Variants in TMTC3 observed in about 807,000 individuals in gnomAD.
The protein encoded by TMTC3 is transmembrane O-mannosyltransferase targeting cadherins 3.
Under a neutral mutation model 92.2 loss-of-function variants are expected in TMTC3, and 52 were observed. The ratio of observed to expected loss-of-function variants is 0.56; its 90% CI spans 0.45 to 0.71. TMTC3 has a LOEUF of 0.71. TMTC3 is among the 30% of genes least tolerant of loss of function. The probability of loss-of-function intolerance (pLI) is 0.00; values close to 1 mark genes in which losing one functional copy is unlikely to be tolerated. For synonymous variants in TMTC3, 339 were observed against 363.3 expected (o/e 0.93, Z 0.76); for missense variants, 896 against 1,057.1 (o/e 0.85, Z 2.11).
At position 88,172,639 on chromosome 12, in the gene TMTC3, CT is replaced by C. The variant is rs751346733; in HGVS notation, c.1101del (p.Pro368GlnfsTer22). ...ATTACCATTTATTCCTGCATCGAAC[CT>C]TTTTTTTCCAGTTGGATTTGTTGTT... ...MALPFIPASN[L>X]FFPVGFVVAE... is the part of the protein sequence containing the mutation. On this transcript the variant is annotated frameshift_variant, in exon 8 of 14. Coordinates refer to ENST00000266712, the MANE Select transcript of TMTC3 (RefSeq NM_181783.4). LOFTEE classifies it high-confidence loss of function. 4.7e-5 allele frequency: 74 copies of C among 1,561,554 alleles called. No individual in the cohort carries two copies. Among genetic ancestry groups the C allele is most frequent in the South Asian group, 2.7e-4 (22 of 80,704 alleles).
At chr12:88,155,777 A>T (rs894325528) in intron 4 of TMTC3, among the ~76,000 whole-genome samples, 19 of 152,070 alleles carry the variant, frequency 1.2e-4, no homozygotes, top group Non-Finnish European at 2.9e-5. Context: ...ATGATTTCTT[A>T]TTCTTTACAA....
Position 88,195,002 on chromosome 12 carries a change from G to A in TMTC3, c.2098G>A (p.Asp700Asn), listed in dbSNP as rs1332461696. ...GAAGAAAGCCATAAAGTTACAAGCC[G>A]ACTTCCGAAGTGCTTTGTTTAATCT... ...WMKKAIKLQA[D>N]FRSALFNLAL... Residue 700 changes from aspartate (D) to asparagine (N), a missense_variant, in exon 14 of 14, where the codon GAC becomes AAC. By Grantham distance (23) the Asp-to-Asn change is conservative. Transcript: ENST00000266712. 2.5e-6 allele frequency: 4 copies of A among 1,613,792 alleles called. No individual in the cohort carries two copies. Among genetic ancestry groups the A allele is most frequent in the Non-Finnish European group, 3.4e-6 (4 of 1,179,894 alleles).
rs1368059147 is a variant in TMTC3, at chr12:88,199,061, T to C, written c.*3412T>C. ...GGCTTGCCTTTTAGTGTTAAAAAAA[T>C]ACAACATTGTATATAGAGATTTCTT... On this transcript the variant is annotated 3_prime_UTR_variant, in exon 14 of 14. Transcript: ENST00000266712. 1 of 134,890 alleles carries C rather than the reference T, an allele frequency of 7.4e-6. No individual in the cohort carries two copies. The highest frequency in any genetic ancestry group is 2.7e-5 in the African/African-American group (1 of 37,522). The allele number at this position is 134,890 out of a possible 1,614,324, so 8.4% of individuals were successfully genotyped here. A position where few individuals can be genotyped will look rare whatever the true frequency, so the allele number is the denominator to read the frequency against.
chr12:88,156,397 A>C (rs979527797), intron 4 of TMTC3, among the ~76,000 whole-genome samples: 3 of 152,202 alleles, frequency 2.0e-5, no homozygotes, highest in Non-Finnish European at 4.4e-5. Flanking sequence ...GCTGTGGATC[A>C]CTGTTGTTCC....
At chr12:88,155,198 G>A (rs1177415471) in intron 4 of TMTC3, among the ~76,000 whole-genome samples, 1 of 152,178 alleles carries the variant, frequency 6.6e-6, no homozygotes, top group East Asian at 1.9e-4. Flanking sequence ...GGACTAAAGA[G>A]TCTGGTTTCA....
intron 10 of TMTC3, among the ~76,000 whole-genome samples, chr12:88,180,444 C>G (rs2041304992): frequency 6.6e-6 from 1 of 152,060 alleles, no homozygotes; most frequent in Non-Finnish European, 1.5e-5. Flanking sequence ...GTAGCAGGTA[C>G]AGATAGCAGG....
At chr12:88,188,200 C>T (rs1029419413) in intron 10 of TMTC3, among the ~76,000 whole-genome samples, 1 of 152,144 alleles carries the variant, frequency 6.6e-6, no homozygotes, top group Non-Finnish European at 1.5e-5. Context: ...GCCACAGTCA[C>T]AAAAATTTTT....
chr12:88,142,954 G>C (rs987329952), intron 1 of TMTC3, among the ~76,000 whole-genome samples: 1 of 152,098 alleles, frequency 6.6e-6, no homozygotes, highest in Admixed American at 6.5e-5. Context: ...CTGTACTATT[G>C]TTGCCACTTG....
At chr12:88,170,476 T>C (rs2041192668) in intron 7 of TMTC3, among the ~76,000 whole-genome samples, 1 of 152,176 alleles carries the variant, frequency 6.6e-6, no homozygotes, top group African/African-American at 2.4e-5. Context: ...TTCTTACCTT[T>C]TTGATTTAAA....
intron 1 of TMTC3, among the ~76,000 whole-genome samples, chr12:88,145,835 A>G (rs2040866775): frequency 6.6e-6 from 1 of 152,214 alleles, no homozygotes. Flanking sequence ...AGTTTCTTGC[A>G]TGACTCAGCT....
intron 4 of TMTC3, among the ~76,000 whole-genome samples, chr12:88,159,450 C>T (rs946608092): frequency 4.6e-5 from 7 of 151,906 alleles, no homozygotes; most frequent in African/African-American, 1.7e-4. Context: ...GGCTTGAGGC[C>T]AAGAGTTTGA....
chr12:88,162,659 C>G (rs1041682667), intron 6 of TMTC3, among the ~76,000 whole-genome samples: 2 of 152,054 alleles, frequency 1.3e-5, no homozygotes, highest in African/African-American at 4.8e-5. Context: ...TCTTCTATAT[C>G]TCTACATGTT....
At chr12:88,192,496 A>T in intron 12 of TMTC3, 108 bp from the exon 13 acceptor site, 1 of 682,338 alleles carries the variant, frequency 1.5e-6, no homozygotes, top group Non-Finnish European at 2.4e-6. Context: ...AGTCTGAGTT[A>T]AGAGAAAAAA....
At chr12:88,153,558 T>A in intron 3 of TMTC3, 49 bp downstream of exon 3, 1 of 1,089,246 alleles carries the variant, frequency 9.2e-7, no homozygotes, top group Non-Finnish European at 1.3e-6. Flanking sequence ...TTTTTACAAA[T>A]CCTGCACAGT....
Position 88,198,104 on chromosome 12 carries a change from G to T in TMTC3, c.*2455G>T. ...TATTACATGAAATTTAAGAGTTTAA[G>T]TTCCATCAAACTAGCCCTTGTGTAA... is the stretch of plus-strand genomic sequence containing the variant. On this transcript the variant is annotated 3_prime_UTR_variant, in exon 14 of 14. Transcript: ENST00000266712. 2 of 384,234 alleles carry T rather than the reference G, an allele frequency of 5.2e-6. No individual in the cohort carries two copies. 23.8% of individuals were successfully genotyped at this position (384,234 alleles called of 1,614,324 possible).
In TMTC3 at chr12:88,166,358, A is replaced by G. The variant is rs1383255559; in HGVS notation, c.826A>G (p.Thr276Ala). Residue 276 changes from threonine (T) to alanine (A), a missense_variant, in exon 7 of 14, where the codon ACT becomes GCT. Physicochemically the swap from Thr to Ala is moderately conservative, Grantham distance 58. Transcript: ENST00000266712. The stretch of plus-strand genomic sequence containing the variant: ...TGATAACCCAGCTGCTGTAAGCCCA[A>G]CTCCTACAAGGCAACTAACTTTTAA... ...RFDNPAAVSP[T>A]PTRQLTFNYL... The G allele has an allele frequency of 1.2e-6, 2 of 1,613,880 alleles. No homozygotes were observed. The highest frequency in any genetic ancestry group is 1.7e-6 in the Non-Finnish European group (2 of 1,179,892).
chr12:88,179,177 G>A (rs537883178), intron 10 of TMTC3, among the ~76,000 whole-genome samples: 1 of 152,270 alleles, frequency 6.6e-6, no homozygotes, highest in Admixed American at 6.5e-5. Flanking sequence ...AATATTGAAT[G>A]TGGCATCTGA....
intron 10 of TMTC3, 82 bp from the exon 11 acceptor site, chr12:88,188,761 C>T: frequency 1.5e-6 from 1 of 681,884 alleles, no homozygotes; most frequent in Non-Finnish European, 2.4e-6. Context: ...GTTTATATAT[C>T]AAATACATTT....
chr12:88,153,313 G>A lies in TMTC3; in HGVS notation c.212G>A (p.Arg71His), dbSNP rs770896677. ...TAGGAGAGAAGCCACAAGTCTTACC[G>A]TCCCTTAACAGTATTGACATTTCGC... is the stretch of plus-strand genomic sequence containing the variant. ...MSEERSHKSY[R>H]PLTVLTFRLN... The change falls in exon 3 of 14, where the codon CGT becomes CAT. Residue 71 changes from arginine (R) to histidine (H), a missense_variant. Transcript: ENST00000266712. 1.8e-5 allele frequency: 29 copies of A among 1,612,050 alleles called. No homozygotes were observed. The highest frequency in any genetic ancestry group is 4.4e-5 in the South Asian group (4 of 90,888).
Sources: gnomAD v4.1 joint callset for allele counts (sites outside exome capture counted in the v4.1 genomes callset) on GRCh38, gnomAD v4.1.1 for gene constraint, MANE v1.5 for transcripts, NCBI Gene and HGNC (gene_info 2026-07-23, HGNC 2026-07-21) for gene names.